The following RPL36A variants were observed in gnomAD, a reference collection of about 807,000 sequenced individuals.
RPL36A encodes large ribosomal subunit protein eL42.
For missense variants in RPL36A, 20 were observed against 81.0 expected, an observed-to-expected ratio of 0.25 and a Z score of 2.89; for synonymous variants, 25 against 28.5, an observed-to-expected ratio of 0.88 and a Z score of 0.39.
intron 2 of RPL36A, 82 bp downstream of exon 2, chrX:101,391,646 C>T: frequency 2.5e-6 from 3 of 1,194,961 alleles, no homozygotes; most frequent in Non-Finnish European, 3.4e-6. Flanking sequence ...TCTCTCCCTC[C>T]ACGCCTGGCT....
Position 101,391,361 on chromosome X carries a change from G to A in RPL36A, c.4-98G>A, listed in dbSNP as rs1695355084. 5.0e-6 allele frequency: 5 copies of A among 1,008,680 alleles called. No homozygotes were observed. In the South Asian group the frequency reaches 1.0e-4, roughly 20 times the overall value. 83.1% of individuals were successfully genotyped at this position (1,008,680 alleles called of 1,213,427 possible). ...GTAGTCAGAGGTAGCAAGTAATGAG[G>A]AGTCCTCCTGGAGTGCCTCAGCTTT... On this transcript the variant is annotated intron_variant, in intron 1 of 4. Transcript: ENST00000553110.
At position 101,394,718 on chromosome X, in the gene RPL36A, A is replaced by G. The variant is rs868925463; in HGVS notation, c.178-617A>G. Reference sequence around the variant, plus strand: ...CCACATTTTCTCTTTATATATATATATTTATATATTATATATTATATATAT... The same window carrying G: ...CCACATTTTCTCTTTATATATATATGTTTATATATTATATATTATATATAT... On this transcript the variant is annotated intron_variant, in intron 3 of 4. Transcript: ENST00000553110. Among the ~76,000 whole-genome samples, 4 of 98,468 alleles carry G rather than the reference A, an allele frequency of 4.1e-5. No homozygotes were observed. The East Asian group carries it at 1.2e-3, about 29-fold the overall frequency. 85.5% of individuals were successfully genotyped at this position (98,468 alleles called of 115,157 possible).
At chrX:101,395,059 G>C (rs1163889146) in intron 3 of RPL36A, 1 of 139,751 alleles carries the variant, frequency 7.2e-6, no homozygotes, top group Non-Finnish European at 1.3e-5. Flanking sequence ...AAAGTGCTAG[G>C]ATTACAGGCA....
At chrX:101,393,340 C>T (rs1162177196) in intron 3 of RPL36A, 1 of 110,758 alleles carries the variant, frequency 9.0e-6, no homozygotes, top group African/African-American at 3.3e-5. Flanking sequence ...AGGATGGTTA[C>T]CAGAAGCTGA....
Position 101,395,470 on chromosome X carries a change from G to A in RPL36A, c.300+13G>A. On this transcript the variant is annotated intron_variant, in intron 4 of 4. Transcript: ENST00000553110. Reference sequence around the variant, plus strand: ...TAAGAAGAGAAAGGTATATAATTATGGGTGGAAGGTGCAATCTTTTTCATA... The same window carrying A: ...TAAGAAGAGAAAGGTATATAATTATAGGTGGAAGGTGCAATCTTTTTCATA... 1.7e-6 allele frequency: 2 copies of A among 1,201,204 alleles called. No individual in the cohort carries two copies. The highest frequency in any genetic ancestry group is 2.2e-6 in the Non-Finnish European group (2 of 892,442).
Position 101,395,949 on chromosome X carries a change from T to C in RPL36A, c.*201T>C. ...CACATCATATGTTGCAATTTTCTAA[T>C]TTGGCACTTCAATCACTAGGGGCCT... On this transcript the variant is annotated 3_prime_UTR_variant, in exon 5 of 5. Transcript: ENST00000553110. The C allele has an allele frequency of 4.7e-6, 2 of 422,155 alleles. No homozygotes were observed. Among genetic ancestry groups the C allele is most frequent in the Non-Finnish European group, 8.1e-6 (2 of 247,532 alleles). 34.8% of individuals were successfully genotyped at this position (422,155 alleles called of 1,213,427 possible). A position where few individuals can be genotyped will look rare whatever the true frequency, so the allele number is the denominator to read the frequency against.
intron 3 of RPL36A, chrX:101,392,523 T>G: frequency 1.3e-6 from 1 of 755,793 alleles, no homozygotes; most frequent in Non-Finnish European, 1.6e-6. Flanking sequence ...GAATGCTTTT[T>G]TTATACCTTT....
chrX:101,392,207 A>T, intron 3 of RPL36A: 1 of 964,814 alleles, frequency 1.0e-6, no homozygotes, highest in African/African-American at 2.0e-5. Context: ...CATCACAGAA[A>T]TCTGCAGTCA....
At position 101,391,786 on chromosome X, in the gene RPL36A, C is replaced by T. The variant is rs3027595; in HGVS notation, c.141C>T (p.Gly47=). 6.3e-3 allele frequency: 7,674 copies of T among 1,208,700 alleles called. 18 individuals carry two copies. Among genetic ancestry groups the T allele is most frequent in the Non-Finnish European group, 7.8e-3 (6,950 of 894,990 alleles). ...GGCGTTATGACAGGAAGCAGAGTGG[C>T]TATGGTGGGCAAACTAAGCCGATTT... ...GKRRYDRKQS[G]YGGQTKPIFR... Residue 47 remains glycine (G), a synonymous_variant, in exon 3 of 5, where the codon GGC becomes GGT. Coordinates refer to ENST00000553110, the MANE Select transcript of RPL36A (RefSeq NM_021029.6).
chrX:101,391,033 C>G lies in RPL36A; in HGVS notation c.-11C>G. ...TTTCTTTCTTTCCGCGCCGATAGCG[C>G]TCACGCAAGCATGGTAGGACTTGCT... On this transcript the variant is annotated 5_prime_UTR_variant, in exon 1 of 5. Transcript: ENST00000553110. 8.2e-7 allele frequency: 1 copy of G among 1,212,216 alleles called. No homozygotes were observed. Among genetic ancestry groups the G allele is most frequent in the Non-Finnish European group, 1.1e-6 (1 of 895,477 alleles).
intron 3 of RPL36A, chrX:101,392,736 A>G (rs782781739): frequency 7.0e-5 from 28 of 401,367 alleles, no homozygotes; most frequent in Non-Finnish European, 8.5e-5. Context: ...TCAAAGAGAT[A>G]TCTGCACTCC....
At chrX:101,392,851 G>T (rs1346083706) in intron 3 of RPL36A, 1 of 126,670 alleles carries the variant, frequency 7.9e-6, no homozygotes, top group East Asian at 2.8e-4. Context: ...GGCCAGGCAC[G>T]GTGGCTTGTG....
In RPL36A at chrX:101,395,914, T is replaced by C; in HGVS notation, c.*166T>C. The C allele has an allele frequency of 2.1e-6, 1 of 474,971 alleles. No individual in the cohort carries two copies. The highest frequency in any genetic ancestry group is 3.7e-5 in the East Asian group (1 of 27,037). The allele number at this position is 474,971 out of a possible 1,213,427, so 39.1% of individuals were successfully genotyped here. A position where few individuals can be genotyped will look rare whatever the true frequency, so the allele number is the denominator to read the frequency against. On this transcript the variant is annotated 3_prime_UTR_variant, in exon 5 of 5. Coordinates refer to ENST00000553110, the MANE Select transcript of RPL36A (RefSeq NM_021029.6). Reference sequence around the variant, plus strand: ...CTACTTGTTTTGCATTGAAGCTGACTGGTTGAGTTCACATCATATGTTGCA... The same window carrying C: ...CTACTTGTTTTGCATTGAAGCTGACCGGTTGAGTTCACATCATATGTTGCA...
rs781851338 is a variant in RPL36A at position 101,395,323 on chromosome X, AT to A, written c.178-4del. On this transcript the variant is annotated splice_polypyrimidine_tract_variant and intron_variant, in intron 3 of 4. Transcript: ENST00000553110. ...AGTTATTTATTAAGGCTTTAATTTAATTTTTTTTCAGGCTAAAACTACAAAG... is the reference window on the plus strand; with the variant it reads ...AGTTATTTATTAAGGCTTTAATTTAATTTTTTTCAGGCTAAAACTACAAAG... 6.0e-6 allele frequency: 7 copies of A among 1,176,387 alleles called. No homozygotes were observed. Among genetic ancestry groups the A allele is most frequent in the East Asian group, 3.0e-5 (1 of 33,131 alleles).
chrX:101,394,753 TTTTATATATA>T (rs1478818630), intron 3 of RPL36A, among the ~76,000 whole-genome samples: 5 of 100,609 alleles, frequency 5.0e-5, no homozygotes, highest in African/African-American at 1.1e-4. Context: ...TTTTTATGTT[TTTTATATATA>T]TTTATATATA....
chrX:101,393,634 A>C (rs1300732382), intron 3 of RPL36A: 1 of 111,927 alleles, frequency 8.9e-6, no homozygotes, highest in Non-Finnish European at 1.9e-5. Flanking sequence ...GGTGTGATGA[A>C]AATGACACTT....
chrX:101,392,053 CAAA>C, intron 3 of RPL36A: 2 of 1,152,593 alleles, frequency 1.7e-6, no homozygotes, highest in Non-Finnish European at 2.3e-6. Context: ...TCTGAAGAGG[CAAA>C]AAATTGAGGA....
rs1360891032 is a variant in RPL36A at position 101,391,579 on chromosome X, G to A, written c.109+15G>A. 2 of 1,208,580 alleles carry A rather than the reference G, an allele frequency of 1.7e-6. No homozygotes were observed. Among genetic ancestry groups the A allele is most frequent in the Admixed American group, 2.2e-5 (1 of 45,991 alleles). On this transcript the variant is annotated intron_variant, in intron 2 of 4. Transcript: ENST00000553110. ...GTACGCCCAGGGTAAGATGGATTCC[G>A]CATAATTTGGTGTTAATGTGACATT...
chrX:101,394,100 C>T (rs57912143), intron 3 of RPL36A, among the ~76,000 whole-genome samples: 326 of 111,333 alleles, frequency 2.9e-3, no homozygotes, highest in African/African-American at 9.8e-3. Flanking sequence ...GAGGCCAAGG[C>T]GGGTGTATCA....
Sources: allele counts gnomAD v4.1 joint callset (sites outside exome capture counted in the v4.1 genomes callset), GRCh38; gene constraint gnomAD v4.1.1; transcripts MANE v1.5; gene names NCBI Gene and HGNC (gene_info 2026-07-23, HGNC 2026-07-21).